Variants in SVIL observed in about 807,000 individuals in gnomAD.
SVIL encodes the protein supervillin, also known as archvillin.
SVIL carries 101 observed loss-of-function variants against 240.4 expected under a neutral mutation model. The observed-to-expected ratio is 0.42, with a 90% confidence interval of 0.36 to 0.50. The LOEUF is 0.50. SVIL is among the 20% of genes least tolerant of loss of function. SVIL has a pLI of 0.01. For missense variants in SVIL, 2,512 were observed against 2,818.7 expected (o/e 0.89, Z 2.46); for synonymous variants, 999 against 1,100.0 (o/e 0.91, Z 1.82).
chr10:29,642,554 T>C (rs560719525), intron 3 of SVIL, among the ~76,000 whole-genome samples: 129 of 152,368 alleles, frequency 8.5e-4, no homozygotes, highest in African/African-American at 2.8e-3. Context: ...TCCCAATCTC[T>C]AGGCTGTTAG....
chr10:29,683,351 C>A (rs965130999), intron 2 of SVIL, among the ~76,000 whole-genome samples: 1 of 152,170 alleles, frequency 6.6e-6, no homozygotes, highest in Non-Finnish European at 1.5e-5. Flanking sequence ...AGGCTTCAGG[C>A]TTCAGAAAAC....
intron 1 of SVIL, among the ~76,000 whole-genome samples, chr10:29,701,403 T>C (rs957124132): frequency 6.6e-5 from 10 of 152,224 alleles, no homozygotes; most frequent in African/African-American, 1.9e-4. Flanking sequence ...TTTCCTATTA[T>C]TCATGTCAAC....
chr10:29,568,950 C>T (rs899193159), intron 2 of SVIL, among the ~76,000 whole-genome samples: 7 of 152,112 alleles, frequency 4.6e-5, no homozygotes, highest in Non-Finnish European at 8.8e-5. Flanking sequence ...ATCTAGCTCC[C>T]TTCTTTGATG....
intron 1 of SVIL, among the ~76,000 whole-genome samples, chr10:29,579,891 C>A (rs527980176): frequency 6.6e-6 from 1 of 151,908 alleles, no homozygotes; most frequent in South Asian, 2.1e-4. Context: ...CACTGGGGGG[C>A]GGATGCAAGG....
intron 18 of SVIL, among the ~76,000 whole-genome samples, chr10:29,496,067 A>T (rs1948420389): frequency 6.6e-6 from 1 of 152,244 alleles, no homozygotes; most frequent in African/African-American, 2.4e-5. Context: ...CTGGACGAAC[A>T]ACATCGAGAG....
chr10:29,508,632 T>A, intron 17 of SVIL: 1 of 351,848 alleles, frequency 2.8e-6, no homozygotes, highest in Non-Finnish European at 5.6e-6. Context: ...TAAAGTGACT[T>A]CATTCTCCTG....
Position 29,533,020 on chromosome 10 carries a change from G to T in SVIL, c.1347C>A (p.Leu449=). 6.2e-7 allele frequency: 1 copy of T among 1,614,004 alleles called. No individual in the cohort carries two copies. The highest frequency in any genetic ancestry group is 8.5e-7 in the Non-Finnish European group (1 of 1,180,006). The change falls in exon 8 of 38, where the codon CTC becomes CTA. Residue 449 remains leucine, a synonymous_variant. Coordinates refer to ENST00000355867, the MANE Select transcript of SVIL (RefSeq NM_021738.3). ...CCAGTAGGGTTTTCTTGCTTTGCTC[G>T]AGAGCTTCAGTGAAGCACACATCTT... is the stretch of plus-strand genomic sequence containing the variant. ...KEEDVCFTEA[L]EQSKKTLLAL...
chr10:29,532,205 AG>A, intron 8 of SVIL, 33 bp from the exon 9 acceptor site: 2 of 1,600,532 alleles, frequency 1.2e-6, no homozygotes, highest in Non-Finnish European at 1.7e-6. Flanking sequence ...AGTATAAGGA[AG>A]GCAAACGAAG....
intron 1 of SVIL, among the ~76,000 whole-genome samples, chr10:29,693,937 A>T (rs1393140117): frequency 6.6e-6 from 1 of 150,484 alleles, no homozygotes. Context: ...AGATAGATAC[A>T]TATATACATA....
intron 6 of SVIL, among the ~76,000 whole-genome samples, chr10:29,548,074 G>T (rs1245413596): frequency 6.6e-6 from 1 of 152,126 alleles, no homozygotes; most frequent in African/African-American, 2.4e-5. Flanking sequence ...GCTCAAAATG[G>T]ATCCTTGGGA....
At chr10:29,504,056 G>T (rs551749794) in intron 17 of SVIL, among the ~76,000 whole-genome samples, 1 of 152,074 alleles carries the variant, frequency 6.6e-6, no homozygotes, top group Admixed American at 6.6e-5. Context: ...TTTAGTCAAC[G>T]GATCTTTGAG....
chr10:29,659,560 G>A (rs1959098049), intron 2 of SVIL, among the ~76,000 whole-genome samples: 1 of 152,194 alleles, frequency 6.6e-6, no homozygotes, highest in African/African-American at 2.4e-5. Flanking sequence ...CCAGCATAGA[G>A]AGAATGGGGT....
At chr10:29,477,626 C>T (rs1487989148) in intron 29 of SVIL, among the ~76,000 whole-genome samples, 1 of 152,220 alleles carries the variant, frequency 6.6e-6, no homozygotes, top group African/African-American at 2.4e-5. Flanking sequence ...CTAGTGTCAC[C>T]AAGGGGCCAG....
intron 3 of SVIL, among the ~76,000 whole-genome samples, chr10:29,655,903 G>T (rs191488379): frequency 1.0e-3 from 138 of 134,760 alleles, no homozygotes; most frequent in African/African-American, 3.7e-3. Context: ...GTTTCTTTTG[G>T]AGTTTTGCTC....
intron 3 of SVIL, among the ~76,000 whole-genome samples, chr10:29,644,695 A>G (rs146059656): frequency 2.1e-4 from 32 of 152,318 alleles, no homozygotes; most frequent in African/African-American, 7.2e-4. Context: ...AGAAAGAGGG[A>G]AAGAAAGAAA....
chr10:29,589,344 T>G (rs1039714074), intron 1 of SVIL, among the ~76,000 whole-genome samples: 1 of 152,200 alleles, frequency 6.6e-6, no homozygotes, highest in African/African-American at 2.4e-5. Context: ...GATCCACAGC[T>G]GGCCAACAGT....
At chr10:29,548,972 T>C (rs1251335943) in intron 6 of SVIL, among the ~76,000 whole-genome samples, 4 of 152,098 alleles carry the variant, frequency 2.6e-5, no homozygotes, top group African/African-American at 9.7e-5. Context: ...ACTTCATGTC[T>C]AAAACACCAA....
chr10:29,537,168 T>C (rs1413693910), intron 6 of SVIL, among the ~76,000 whole-genome samples: 1 of 152,200 alleles, frequency 6.6e-6, no homozygotes, highest in Non-Finnish European at 1.5e-5. Flanking sequence ...TAGTTGCTAT[T>C]ACACATTTTC....
At chr10:29,556,105 CAT>C (rs759943225) in intron 3 of SVIL, among the ~76,000 whole-genome samples, 7 of 152,226 alleles carry the variant, frequency 4.6e-5, no homozygotes, top group East Asian at 1.9e-4. Flanking sequence ...GAGATTCTCA[CAT>C]GATACTGACT....
Sources: allele counts gnomAD v4.1 joint callset (sites outside exome capture counted in the v4.1 genomes callset), GRCh38; gene constraint gnomAD v4.1.1; transcripts MANE v1.5; gene names NCBI Gene and HGNC (gene_info 2026-07-23, HGNC 2026-07-21).